SLIT3: variants seen among roughly 807,000 people sequenced by gnomAD.
SLIT3 encodes slit guidance ligand 3, also known as slit homolog 3 protein.
A neutral mutation model predicts 184.0 loss-of-function variants in SLIT3; 68 were observed. The ratio of observed to expected loss-of-function variants is 0.37; its 90% CI spans 0.30 to 0.45. The LOEUF (loss-of-function observed/expected upper bound fraction) is 0.45, where lower values mean the gene tolerates loss of function less well. SLIT3 is among the 20% of genes least tolerant of loss of function. The pLI is 1.00. For synonymous variants in SLIT3, 831 were observed against 828.6 expected (o/e 1.00, Z -0.05); for missense variants, 1,707 against 2,026.0 (o/e 0.84, Z 3.02).
intron 4 of SLIT3, among the ~76,000 whole-genome samples, chr5:169,035,792 T>C (rs567544860): frequency 2.0e-5 from 3 of 152,210 alleles, no homozygotes; most frequent in East Asian, 1.9e-4. Context: ...CAGTACTAAG[T>C]AGTAAATCTG....
chr5:168,836,431 G>A (rs2113698311), intron 6 of SLIT3, among the ~76,000 whole-genome samples: 1 of 152,336 alleles, frequency 6.6e-6, no homozygotes, highest in East Asian at 1.9e-4. Flanking sequence ...TTGCAAATCA[G>A]CACAGAAGCC....
chr5:168,735,488 C>T (rs968720062), intron 20 of SLIT3, among the ~76,000 whole-genome samples: 3 of 152,138 alleles, frequency 2.0e-5, no homozygotes, highest in African/African-American at 7.2e-5. Flanking sequence ...AAGTACTTAA[C>T]CTCTTTGAGC....
chr5:169,299,149 A>C (rs1246480114), intron 1 of SLIT3, among the ~76,000 whole-genome samples: 1 of 152,238 alleles, frequency 6.6e-6, no homozygotes, highest in Non-Finnish European at 1.5e-5. Context: ...ACATGTGTTA[A>C]TAAAGATTCG....
At chr5:169,073,215 C>G (rs777880683) in intron 4 of SLIT3, among the ~76,000 whole-genome samples, 26 of 152,134 alleles carry the variant, frequency 1.7e-4, no homozygotes, top group Non-Finnish European at 2.6e-4. Context: ...ACCTTAATAT[C>G]CTAATTCTCA....
chr5:168,787,771 T>G (rs1393299856), intron 11 of SLIT3, among the ~76,000 whole-genome samples: 1 of 152,100 alleles, frequency 6.6e-6, no homozygotes, highest in Non-Finnish European at 1.5e-5. Flanking sequence ...AAATATTTGT[T>G]GAATGAATGA....
intron 6 of SLIT3, among the ~76,000 whole-genome samples, chr5:168,839,828 G>C (rs1000183894): frequency 6.6e-6 from 1 of 152,164 alleles, no homozygotes; most frequent in Non-Finnish European, 1.5e-5. Flanking sequence ...TGCCCAATGC[G>C]GACAGAAACA....
At chr5:169,126,700 A>T (rs561566323) in intron 4 of SLIT3, among the ~76,000 whole-genome samples, 1 of 152,364 alleles carries the variant, frequency 6.6e-6, no homozygotes, top group South Asian at 2.1e-4. Context: ...AATGCTGGAG[A>T]TGCCCGAGTC....
intron 20 of SLIT3, among the ~76,000 whole-genome samples, chr5:168,725,823 A>T (rs564276447): frequency 6.6e-6 from 1 of 152,322 alleles, no homozygotes; most frequent in East Asian, 1.9e-4. Flanking sequence ...AAAATGACTA[A>T]ATGGGATAGA....
intron 4 of SLIT3, among the ~76,000 whole-genome samples, chr5:168,959,746 C>G (rs1225090627): frequency 6.6e-6 from 1 of 152,134 alleles, no homozygotes; most frequent in East Asian, 1.9e-4. Flanking sequence ...CCCTCCCAAG[C>G]TGGGAGTCAG....
chr5:168,842,469 G>GTTT lies in SLIT3; in HGVS notation c.557+2112_557+2114dup, dbSNP rs778998998. Among the ~76,000 whole-genome samples the GTTT allele has an allele frequency of 2.9e-3, 257 of 88,060 alleles. 20 individuals carry two copies. The highest frequency in any genetic ancestry group is 9.7e-3 in the African/African-American group (203 of 20,842). 57.8% of individuals were successfully genotyped at this position (88,060 alleles called of 152,430 possible). On this transcript the variant is annotated intron_variant, in intron 6 of 35. Transcript: ENST00000519560. ...TGGTGCATCTGGATACCGTTTTTTC[G>GTTT]TTTTTTTTTTTTTTTTTTGTATCTG...
intron 11 of SLIT3, 63 bp from the exon 12 acceptor site, chr5:168,786,041 G>T: frequency 1.7e-6 from 2 of 1,171,008 alleles, no homozygotes; most frequent in East Asian, 2.3e-5. Context: ...ACCCAGTCCT[G>T]CAGGAAGCCA....
intron 3 of SLIT3, among the ~76,000 whole-genome samples, chr5:169,223,309 C>T (rs17556744): frequency 0.22 from 33,869 of 152,218 alleles, 5,020 homozygotes; most frequent in Non-Finnish European, 0.34. Flanking sequence ...AGGTAAAGAA[C>T]GAGTGACTGA....
At chr5:168,882,612 G>A (rs947235585) in intron 5 of SLIT3, among the ~76,000 whole-genome samples, 10 of 152,100 alleles carry the variant, frequency 6.6e-5, no homozygotes, top group African/African-American at 1.9e-4. Context: ...ACTGTACTGC[G>A]GTTATGTCAG....
intron 4 of SLIT3, among the ~76,000 whole-genome samples, chr5:168,926,949 T>A (rs1178240656): frequency 1.3e-5 from 2 of 152,136 alleles, no homozygotes; most frequent in African/African-American, 4.8e-5. Flanking sequence ...GCAATTGCTT[T>A]GGAAAACAGA....
intron 3 of SLIT3, among the ~76,000 whole-genome samples, chr5:169,236,366 T>A (rs1053747961): frequency 1.4e-4 from 21 of 152,196 alleles, no homozygotes; most frequent in Non-Finnish European, 3.1e-4. Flanking sequence ...TTCCTTTTTG[T>A]GTGAAAATGA....
At chr5:168,763,762 G>T (rs2113510968) in intron 14 of SLIT3, among the ~76,000 whole-genome samples, 1 of 152,300 alleles carries the variant, frequency 6.6e-6, no homozygotes, top group Non-Finnish European at 1.5e-5. Context: ...TATTGATGGG[G>T]CCAGGTTTTC....
Position 168,916,516 on chromosome 5 carries a change from C to T in SLIT3, c.414-33180G>A, listed in dbSNP as rs10054750. 7.1e-3 allele frequency among the ~76,000 whole-genome samples: 1,087 copies of T among 152,326 alleles called. 16 individuals carry two copies. Among genetic ancestry groups the T allele is most frequent in the African/African-American group, 0.025 (1,043 of 41,566 alleles). ...TTACTGGACTCAGCCCGGATGCATC[C>T]AGCACTGTCCTTCATTAGCACTAAT... On this transcript the variant is annotated intron_variant, in intron 4 of 35. Transcript: ENST00000519560.
chr5:168,907,849 T>G (rs1761104156), intron 4 of SLIT3, among the ~76,000 whole-genome samples: 1 of 149,058 alleles, frequency 6.7e-6, no homozygotes, highest in African/African-American at 2.5e-5. Flanking sequence ...CATATAAGTA[T>G]ACATATATCT....
intron 29 of SLIT3, among the ~76,000 whole-genome samples, chr5:168,690,138 CTTTT>C (rs1341234574): frequency 1.4e-5 from 2 of 138,120 alleles, no homozygotes; most frequent in Non-Finnish European, 1.6e-5. Flanking sequence ...TGTTTTCTTT[CTTTT>C]TTTTTTTTTT....
Sources: gnomAD v4.1 joint callset for allele counts (sites outside exome capture counted in the v4.1 genomes callset) on GRCh38, gnomAD v4.1.1 for gene constraint, MANE v1.5 for transcripts, NCBI Gene and HGNC (gene_info 2026-07-23, HGNC 2026-07-21) for gene names.